The following CSMD1 variants were observed in gnomAD, a reference collection of about 807,000 sequenced individuals.
CSMD1 encodes CUB and Sushi multiple domains 1.
Under a neutral mutation model 417.5 loss-of-function variants are expected in CSMD1, and 213 were observed. That is an observed-to-expected ratio of 0.51 (90% CI 0.46 to 0.57). The LOEUF is 0.57. CSMD1 is among the 20% of genes least tolerant of loss of function. The pLI is 0.00. For missense variants in CSMD1, 6,923 were observed against 4,529.7 expected, an observed-to-expected ratio of 1.53 and a Z score of -15.17; for synonymous variants, 2,862 against 1,736.8, an observed-to-expected ratio of 1.65 and a Z score of -16.11.
At chr8:4,706,950 T>C (rs1807984343) in intron 1 of CSMD1, among the ~76,000 whole-genome samples, 1 of 152,306 alleles carries the variant, frequency 6.6e-6, no homozygotes, top group South Asian at 2.1e-4. Context: ...ATCTGAAGCT[T>C]GGCAGAGGTT....
At chr8:3,047,245 C>T (rs1390670608) in intron 50 of CSMD1, among the ~76,000 whole-genome samples, 1 of 147,242 alleles carries the variant, frequency 6.8e-6, no homozygotes, top group Non-Finnish European at 1.5e-5. Context: ...AAAAGAGTTG[C>T]TCTGATTTTC....
intron 8 of CSMD1, among the ~76,000 whole-genome samples, chr8:3,589,214 A>C (rs1800735759): frequency 6.6e-6 from 1 of 152,170 alleles, no homozygotes; most frequent in African/African-American, 2.4e-5. Context: ...GAACTACTAC[A>C]TGATCTAGAA....
intron 11 of CSMD1, among the ~76,000 whole-genome samples, chr8:3,483,702 A>T (rs1194805217): frequency 6.6e-6 from 1 of 152,160 alleles, no homozygotes; most frequent in Non-Finnish European, 1.5e-5. Context: ...AAAACTATAG[A>T]CCGATATCTT....
chr8:3,851,146 G>C (rs888611380), intron 5 of CSMD1, among the ~76,000 whole-genome samples: 3 of 152,158 alleles, frequency 2.0e-5, no homozygotes, highest in African/African-American at 7.2e-5. Flanking sequence ...TTTCTGAGGA[G>C]CTAATTTGTG....
intron 7 of CSMD1, among the ~76,000 whole-genome samples, chr8:3,657,689 C>T (rs1040830316): frequency 2.0e-5 from 3 of 152,024 alleles, no homozygotes; most frequent in Admixed American, 6.6e-5. Flanking sequence ...ACACCAGGGC[C>T]TGTCAGTGGG....
intron 1 of CSMD1, among the ~76,000 whole-genome samples, chr8:4,979,072 C>T (rs1181455254): frequency 6.6e-6 from 1 of 152,100 alleles, no homozygotes; most frequent in East Asian, 1.9e-4. Context: ...TTCAAATTTC[C>T]AGGCCTTCCT....
chr8:4,287,656 G>GTATTATTAT (rs57908266), intron 3 of CSMD1, among the ~76,000 whole-genome samples: 34,164 of 145,878 alleles, frequency 0.23, 4,620 homozygotes, highest in East Asian at 0.51. Context: ...GTCATAGGTG[G>GTATTATTAT]TATTATTATT....
intron 5 of CSMD1, among the ~76,000 whole-genome samples, chr8:3,874,845 A>G (rs1805707080): frequency 6.6e-6 from 1 of 152,006 alleles, no homozygotes; most frequent in Non-Finnish European, 1.5e-5. Flanking sequence ...GAGGATGAAT[A>G]AACCCATTAA....
At chr8:3,157,087 G>A (rs368248672) in intron 39 of CSMD1, among the ~76,000 whole-genome samples, 1 of 151,646 alleles carries the variant, frequency 6.6e-6, no homozygotes, top group South Asian at 2.1e-4. Context: ...CGATCACTTT[G>A]TGGGTTGCGG....
intron 3 of CSMD1, among the ~76,000 whole-genome samples, chr8:4,324,818 G>A (rs1037258331): frequency 2.6e-5 from 4 of 152,174 alleles, no homozygotes; most frequent in Non-Finnish European, 4.4e-5. Flanking sequence ...TGTCTTGCTA[G>A]AGAACATAAG....
intron 10 of CSMD1, among the ~76,000 whole-genome samples, chr8:3,534,943 G>T (rs1478826402): frequency 6.6e-6 from 1 of 152,114 alleles, no homozygotes; most frequent in Non-Finnish European, 1.5e-5. Flanking sequence ...TGTAAGACAT[G>T]TATTTACTTA....
intron 11 of CSMD1, among the ~76,000 whole-genome samples, chr8:3,487,839 G>A (rs1051985340): frequency 6.6e-5 from 10 of 152,104 alleles, no homozygotes; most frequent in Middle Eastern, 3.4e-3. Flanking sequence ...AAATCCTCAA[G>A]GCATTGCTGA....
chr8:3,454,149 G>C (rs1213472410), intron 12 of CSMD1, among the ~76,000 whole-genome samples: 1 of 151,648 alleles, frequency 6.6e-6, no homozygotes, highest in African/African-American at 2.4e-5. Flanking sequence ...GCCTTTTTTT[G>C]TTTTCCATTT....
chr8:4,047,050 A>C lies in CSMD1; in HGVS notation c.416-14951T>G, dbSNP rs561967693. On this transcript the variant is annotated intron_variant, in intron 3 of 69. Transcript: ENST00000635120. ...ACATAGAGGGAACACCTGGAGTCCA[A>C]ATGAATACAGAATTAAATGTGGTCT... is the stretch of plus-strand genomic sequence containing the variant. Among the ~76,000 whole-genome samples, 5 of 152,312 alleles carry C rather than the reference A, an allele frequency of 3.3e-5. No homozygotes were observed. The South Asian group carries it at 8.3e-4, about 25-fold the overall frequency.
rs2623654 is a variant in CSMD1 at position 3,777,833 on chromosome 8, C to G, written c.819-23791G>C. Among the ~76,000 whole-genome samples the G allele has an allele frequency of 9.6e-3, 949 of 99,112 alleles. 12 individuals are homozygous for G. Among genetic ancestry groups the G allele is most frequent in the African/African-American group, 0.043 (877 of 20,532 alleles). The allele number at this position is 99,112 out of a possible 152,430, so 65.0% of individuals were successfully genotyped here. A position where few individuals can be genotyped will look rare whatever the true frequency, so the allele number is the denominator to read the frequency against. On this transcript the variant is annotated intron_variant, in intron 5 of 69. Coordinates refer to ENST00000635120, the MANE Select transcript of CSMD1 (RefSeq NM_033225.6). ...CTCAGTTCCCACTCCAGACCCGCAG[C>G]CTCCTTGAAGTGCAGAGTCTCAGTT...
At chr8:4,326,746 G>A (rs1167888491) in intron 3 of CSMD1, among the ~76,000 whole-genome samples, 5 of 152,106 alleles carry the variant, frequency 3.3e-5, no homozygotes, top group African/African-American at 1.2e-4. Flanking sequence ...GAATAGTAAT[G>A]CCCATCTTCA....
At chr8:3,341,064 C>T (rs1156554554) in intron 23 of CSMD1, among the ~76,000 whole-genome samples, 1 of 152,202 alleles carries the variant, frequency 6.6e-6, no homozygotes, top group Non-Finnish European at 1.5e-5. Flanking sequence ...CAAAGTTACT[C>T]AGTGAAGTGG....
chr8:4,203,629 G>C (rs979697629), intron 3 of CSMD1, among the ~76,000 whole-genome samples: 1 of 152,038 alleles, frequency 6.6e-6, no homozygotes, highest in Non-Finnish European at 1.5e-5. Flanking sequence ...TGTATGGCTG[G>C]GGGTGGACAC....
chr8:4,921,695 G>A (rs1402882165), intron 1 of CSMD1, among the ~76,000 whole-genome samples: 1 of 152,116 alleles, frequency 6.6e-6, no homozygotes, highest in South Asian at 2.1e-4. Flanking sequence ...TCTGTGTACA[G>A]GAATGTGTAT....
Sources: allele counts gnomAD v4.1 joint callset (sites outside exome capture counted in the v4.1 genomes callset), GRCh38; gene constraint gnomAD v4.1.1; transcripts MANE v1.5; gene names NCBI Gene and HGNC (gene_info 2026-07-23, HGNC 2026-07-21).